The following RAPGEF5 variants were observed in gnomAD, a reference collection of about 807,000 sequenced individuals.
The protein encoded by RAPGEF5 is Rap guanine nucleotide exchange factor 5.
In RAPGEF5, 65 loss-of-function variants were observed where a neutral mutation model predicts 125.2. The observed-to-expected ratio is 0.52, with a 90% CI of 0.43 to 0.64. RAPGEF5 has a LOEUF of 0.64. RAPGEF5 is among the 30% of genes least tolerant of loss of function. The pLI is 0.00. For missense variants in RAPGEF5, 958 were observed against 1,048.1 expected (o/e 0.91, Z 1.19); for synonymous variants, 391 against 385.9 (o/e 1.01, Z -0.16).
At chr7:22,203,807 C>T (rs1267783390) in intron 9 of RAPGEF5, among the ~76,000 whole-genome samples, 5 of 152,240 alleles carry the variant, frequency 3.3e-5, no homozygotes, top group East Asian at 3.9e-4. Context: ...CCTGGGTCAA[C>T]GGGCAACTGA....
chr7:22,306,682 C>G (rs753383660), intron 5 of RAPGEF5, among the ~76,000 whole-genome samples: 1 of 152,062 alleles, frequency 6.6e-6, no homozygotes, highest in South Asian at 2.1e-4. Flanking sequence ...CTTGTAGTTT[C>G]ATAGTTTGAG....
intron 14 of RAPGEF5, among the ~76,000 whole-genome samples, chr7:22,158,210 G>T (rs185318496): frequency 1.8e-4 from 28 of 152,292 alleles, no homozygotes; most frequent in Non-Finnish European, 3.4e-4. Context: ...TTTTAAAATT[G>T]CAATATTCAG....
chr7:22,290,039 A>G (rs1782893401), intron 6 of RAPGEF5, among the ~76,000 whole-genome samples: 1 of 152,198 alleles, frequency 6.6e-6, no homozygotes, highest in Admixed American at 6.5e-5. Flanking sequence ...TAGTTCTTTA[A>G]AGCAGTGTGA....
chr7:22,267,781 A>C (rs1782318442), intron 6 of RAPGEF5, among the ~76,000 whole-genome samples: 1 of 152,160 alleles, frequency 6.6e-6, no homozygotes, highest in East Asian at 1.9e-4. Context: ...AAAATTCCAT[A>C]ATGAGGAAGC....
At chr7:22,261,463 G>GT (rs1782153653) in intron 7 of RAPGEF5, among the ~76,000 whole-genome samples, 1 of 151,968 alleles carries the variant, frequency 6.6e-6, no homozygotes, top group Non-Finnish European at 1.5e-5. Context: ...AAAAAATTAG[G>GT]TAGGTGTGGT....
At chr7:22,238,978 A>ACTCCT (rs1168827092) in intron 7 of RAPGEF5, among the ~76,000 whole-genome samples, 1 of 152,320 alleles carries the variant, frequency 6.6e-6, no homozygotes, top group South Asian at 2.1e-4. Context: ...CTGAAAACAA[A>ACTCCT]CAAAAAAAAG....
chr7:22,140,799 T>C (rs1783233238), intron 20 of RAPGEF5, among the ~76,000 whole-genome samples: 1 of 152,140 alleles, frequency 6.6e-6, no homozygotes, highest in South Asian at 2.1e-4. Context: ...CTAAGAGGGC[T>C]TGGAATGGCA....
chr7:22,237,804 G>T (rs2128135634), intron 7 of RAPGEF5, among the ~76,000 whole-genome samples: 1 of 152,236 alleles, frequency 6.6e-6, no homozygotes, highest in East Asian at 1.9e-4. Context: ...ACCAGCACCT[G>T]GAATAATTTC....
At chr7:22,133,122 C>T (rs1782966092) in intron 23 of RAPGEF5, among the ~76,000 whole-genome samples, 1 of 152,354 alleles carries the variant, frequency 6.6e-6, no homozygotes. Flanking sequence ...GCAATCTCTC[C>T]TCTTCCTAGG....
At chr7:22,236,462 G>A (rs1300056595) in intron 7 of RAPGEF5, among the ~76,000 whole-genome samples, 1 of 152,160 alleles carries the variant, frequency 6.6e-6, no homozygotes, top group Non-Finnish European at 1.5e-5. Context: ...TACGGCGTGA[G>A]GACACGAAGG....
At chr7:22,189,081 C>A (rs1295810269) in intron 11 of RAPGEF5, among the ~76,000 whole-genome samples, 1 of 146,928 alleles carries the variant, frequency 6.8e-6, no homozygotes, top group Non-Finnish European at 1.5e-5. Flanking sequence ...GCAGCCATAC[C>A]TAAAAGAAAT....
intron 1 of RAPGEF5, among the ~76,000 whole-genome samples, chr7:22,336,264 A>G (rs867174346): frequency 6.6e-6 from 1 of 152,322 alleles, no homozygotes; most frequent in South Asian, 2.1e-4. Context: ...TCATGTCCAC[A>G]TATAGTCTCA....
intron 7 of RAPGEF5, among the ~76,000 whole-genome samples, chr7:22,231,195 T>C (rs1164845350): frequency 1.3e-5 from 2 of 152,218 alleles, no homozygotes; most frequent in East Asian, 1.9e-4. Flanking sequence ...CATATCAGCA[T>C]TGTGCTTTAC....
At chr7:22,238,951 A>C (rs1364746962) in intron 7 of RAPGEF5, among the ~76,000 whole-genome samples, 1 of 152,260 alleles carries the variant, frequency 6.6e-6, no homozygotes, top group South Asian at 2.1e-4. Context: ...CCTAAAATAA[A>C]TTGAACAGAA....
At chr7:22,227,460 G>A (rs1222705304) in intron 8 of RAPGEF5, among the ~76,000 whole-genome samples, 3 of 152,112 alleles carry the variant, frequency 2.0e-5, no homozygotes, top group East Asian at 1.9e-4. Context: ...TCAAATGGAG[G>A]ATAGGAGACA....
intron 11 of RAPGEF5, among the ~76,000 whole-genome samples, chr7:22,187,814 C>A (rs1316615279): frequency 6.6e-6 from 1 of 152,198 alleles, no homozygotes; most frequent in Non-Finnish European, 1.5e-5. Flanking sequence ...CCAATAGAAA[C>A]CTAGAATTGG....
intron 11 of RAPGEF5, among the ~76,000 whole-genome samples, chr7:22,191,810 A>G (rs1017588690): frequency 1.3e-5 from 2 of 152,244 alleles, no homozygotes; most frequent in African/African-American, 4.8e-5. Context: ...AGTAAAGAGA[A>G]CACAAACTAA....
intron 9 of RAPGEF5, among the ~76,000 whole-genome samples, chr7:22,216,539 C>T (rs116144675): frequency 3.3e-5 from 5 of 152,284 alleles, no homozygotes; most frequent in South Asian, 2.1e-4. Flanking sequence ...TGATAACACA[C>T]GTCCCTTGCT....
intron 11 of RAPGEF5, among the ~76,000 whole-genome samples, chr7:22,189,532 A>C (rs1784926904): frequency 6.6e-6 from 1 of 151,934 alleles, no homozygotes; most frequent in African/African-American, 2.4e-5. Context: ...TTTCTTTCTT[A>C]CCTTCCTCGT....
Sources: gnomAD v4.1 joint callset for allele counts (sites outside exome capture counted in the v4.1 genomes callset) on GRCh38, gnomAD v4.1.1 for gene constraint, MANE v1.5 for transcripts, NCBI Gene and HGNC (gene_info 2026-07-23, HGNC 2026-07-21) for gene names.